HPN: variants seen among roughly 807,000 people sequenced by gnomAD.
HPN encodes the protein hepsin.
A neutral mutation model predicts 55.9 loss-of-function variants in HPN; 13 were observed. The ratio of observed to expected loss-of-function variants is 0.23; its 90% CI spans 0.15 to 0.37. The LOEUF is 0.37. Among genes scored for constraint, HPN ranks in the 10% least tolerant of loss-of-function variants. HPN has a pLI of 1.00. For synonymous variants in HPN, 225 were observed against 240.3 expected (o/e 0.94, Z 0.59); for missense variants, 451 against 575.8 (o/e 0.78, Z 2.22).
chr19:35,059,548 G>A, intron 4 of HPN, 125 bp from the exon 5 acceptor site: 7 of 1,254,218 alleles, frequency 5.6e-6, no homozygotes, highest in Non-Finnish European at 6.7e-6. Context: ...GCAACCCTCC[G>A]ATGGGCTGGG....
At chr19:35,056,147 T>C (rs1672981) in intron 4 of HPN, among the ~76,000 whole-genome samples, 138,052 of 152,024 alleles carry the variant, frequency 0.91, 62,875 homozygotes, top group Middle Eastern at 0.95. Context: ...GTCTTTGTTC[T>C]TGCACCACCT....
At chr19:35,040,773 A>T (rs1253921149), upstream of HPN, among the ~76,000 whole-genome samples, 1 of 152,068 alleles carries the variant, frequency 6.6e-6, no homozygotes, top group African/African-American at 2.4e-5. Flanking sequence ...ACGGGTATGG[A>T]TGGAAAGGCA....
At chr19:35,043,577 T>A (rs1322586138) in intron 2 of HPN, among the ~76,000 whole-genome samples, 1 of 152,134 alleles carries the variant, frequency 6.6e-6, no homozygotes, top group Non-Finnish European at 1.5e-5. Flanking sequence ...AATGCCAGGA[T>A]GGGCAGGAAG....
upstream of HPN, among the ~76,000 whole-genome samples, chr19:35,041,513 G>A (rs982147056): frequency 6.6e-5 from 10 of 151,942 alleles, no homozygotes; most frequent in Non-Finnish European, 7.4e-5. Context: ...CCCAGCCTCC[G>A]GCCAGGCCTG....
chr19:35,065,150 G>T, intron 9 of HPN, 100 bp from the exon 10 acceptor site: 2 of 726,914 alleles, frequency 2.8e-6, no homozygotes, highest in East Asian at 2.6e-5. Flanking sequence ...AAAGAACAGA[G>T]AGGGCAGGGT....
chr19:35,050,616 C>T (rs919240549), intron 4 of HPN: 2 of 978,534 alleles, frequency 2.0e-6, no homozygotes, highest in Admixed American at 2.7e-5. Context: ...TTCCCAAATG[C>T]CAACTTCAAG....
At position 35,065,282 on chromosome 19, in the gene HPN, G is replaced by C. The variant is rs540599600; in HGVS notation, c.844G>C (p.Gly282Arg). ...YIQPVCLPAAGQALVDGKICT... is the reference protein window; with the variant it reads ...YIQPVCLPAARQALVDGKICT... Reference sequence around the variant, plus strand: ...CCAGCCTGTGTGCCTCCCAGCTGCCGGCCAGGCCCTGGTGGATGGCAAGAT... The same window carrying C: ...CCAGCCTGTGTGCCTCCCAGCTGCCCGCCAGGCCCTGGTGGATGGCAAGAT... Residue 282 changes from glycine (G) to arginine (R), a missense_variant, in exon 10 of 13, where the codon GGC becomes CGC. Transcript: ENST00000672452. 3 of 1,613,804 alleles carry C rather than the reference G, an allele frequency of 1.9e-6. No homozygotes were observed. Among genetic ancestry groups the C allele is most frequent in the East Asian group, 4.5e-5 (2 of 44,894 alleles).
intron 2 of HPN, among the ~76,000 whole-genome samples, chr19:35,046,177 T>A (rs2064340025): frequency 6.6e-6 from 1 of 151,590 alleles, no homozygotes; most frequent in Non-Finnish European, 1.5e-5. Flanking sequence ...TGGGCTGGTC[T>A]GGCCCACTGG....
At chr19:35,045,962 C>T (rs932968757) in intron 2 of HPN, among the ~76,000 whole-genome samples, 1 of 152,224 alleles carries the variant, frequency 6.6e-6, no homozygotes, top group Non-Finnish European at 1.5e-5. Context: ...CTTCCTGTCC[C>T]ACCAGATGTG....
At chr19:35,041,686 CTTCACCCGCCCCTCGCCCAGCCCCCT>C, upstream of HPN, 1 of 1,080,952 alleles carries the variant, frequency 9.3e-7, no homozygotes, top group Non-Finnish European at 1.2e-6. Context: ...CTCCCCGCCC[CTTCACCCGCCCCTCGCCCAGCCCCCT>C]CCTCCTCAGG....
At position 35,055,727 on chromosome 19, in the gene HPN, C is replaced by G. The variant is rs553137417; in HGVS notation, c.161-3946C>G. 2.4e-4 allele frequency among the ~76,000 whole-genome samples: 37 copies of G among 152,142 alleles called. No homozygotes were observed. The South Asian group carries it at 2.9e-3, about 12-fold the overall frequency. On this transcript the variant is annotated intron_variant, in intron 4 of 12. Coordinates refer to ENST00000672452, the MANE Select transcript of HPN (RefSeq NM_001384133.1). ...GCCTCCCTGCTCCCATCCCTGCCCC[C>G]CAATCATATCCCACAAAGGGGATAT...
At position 35,065,936 on chromosome 19, in the gene HPN, C is replaced by G; in HGVS notation, c.1119C>G (p.Gly373=). The G allele has an allele frequency of 6.2e-7, 1 of 1,614,030 alleles. No individual in the cohort carries two copies. Among genetic ancestry groups the G allele is most frequent in the Non-Finnish European group, 8.5e-7 (1 of 1,180,024 alleles). Reference sequence around the variant, plus strand: ...GGACGCCACGTTGGCGGCTGTGTGGCATTGTGAGTTGGGGCACTGGCTGTG... The same window carrying G: ...GGACGCCACGTTGGCGGCTGTGTGGGATTGTGAGTTGGGGCACTGGCTGTG... ...ISRTPRWRLC[G]IVSWGTGCAL... is the part of the protein sequence containing the mutation. Residue 373 remains glycine (G), a synonymous_variant, in exon 12 of 13, where the codon GGC becomes GGG. Coordinates refer to ENST00000672452, the MANE Select transcript of HPN (RefSeq NM_001384133.1).
intron 12 of HPN, 53 bp from the exon 13 acceptor site, chr19:35,066,196 G>A: frequency 6.2e-7 from 1 of 1,613,960 alleles, no homozygotes; most frequent in Middle Eastern, 1.6e-4. Context: ...GAAGCCAGTG[G>A]TGGGACGTGG....
At chr19:35,054,910 G>A (rs1375932917) in intron 4 of HPN, among the ~76,000 whole-genome samples, 1 of 152,148 alleles carries the variant, frequency 6.6e-6, no homozygotes, top group East Asian at 1.9e-4. Context: ...CCCTCAGCTG[G>A]TGTGTGGCCT....
At chr19:35,060,085 C>G in intron 6 of HPN, 44 bp from the exon 7 acceptor site, 2 of 1,614,062 alleles carry the variant, frequency 1.2e-6, no homozygotes, top group Non-Finnish European at 8.5e-7. Flanking sequence ...CTTAACTGGT[C>G]TCTATTTCCT....
chr19:35,062,776 G>A (rs12150967), intron 9 of HPN, among the ~76,000 whole-genome samples: 10,966 of 152,128 alleles, frequency 0.072, 419 homozygotes, highest in Middle Eastern at 0.095. Context: ...AGCTACTTGG[G>A]AGGCGGAGGC....
intron 4 of HPN, among the ~76,000 whole-genome samples, chr19:35,051,298 G>A (rs1181848230): frequency 1.3e-5 from 2 of 151,858 alleles, no homozygotes; most frequent in East Asian, 3.9e-4. Flanking sequence ...TAGTAGAGGC[G>A]GGGTTTCACC....
chr19:35,043,052 G>C (rs1402903517), intron 2 of HPN, among the ~76,000 whole-genome samples: 1 of 152,128 alleles, frequency 6.6e-6, no homozygotes, highest in South Asian at 2.1e-4. Context: ...CATATAAGAC[G>C]CATGCCATCA....
chr19:35,051,656 T>C (rs1237446387), intron 4 of HPN, among the ~76,000 whole-genome samples: 9 of 150,568 alleles, frequency 6.0e-5, no homozygotes, highest in Non-Finnish European at 1.5e-5. Flanking sequence ...GTAGTAACTG[T>C]ATATAGTGTC....
Sources: allele counts gnomAD v4.1 joint callset (sites outside exome capture counted in the v4.1 genomes callset), GRCh38; gene constraint gnomAD v4.1.1; transcripts MANE v1.5; gene names NCBI Gene and HGNC (gene_info 2026-07-23, HGNC 2026-07-21).